The following RNF175 variants were observed in gnomAD, a reference collection of about 807,000 sequenced individuals.
RNF175 encodes ring finger protein 175.
A neutral mutation model predicts 50.0 loss-of-function variants in RNF175; 38 were observed. That is an observed-to-expected ratio of 0.76 (90% CI 0.59 to 1.00). RNF175 has a LOEUF of 1.00. Among genes scored for constraint, RNF175 ranks in the 50% least tolerant of loss-of-function variants. RNF175 has a pLI of 0.00. For synonymous variants in RNF175, 155 were observed against 146.1 expected (o/e 1.06, Z -0.44); for missense variants, 388 against 409.6 (o/e 0.95, Z 0.46).
chr4:153,733,405 C>T (rs890350124), intron 3 of RNF175, among the ~76,000 whole-genome samples: 7 of 152,294 alleles, frequency 4.6e-5, no homozygotes, highest in Non-Finnish European at 1.5e-5. Flanking sequence ...TCTGTAAACT[C>T]GCATTCCAAC....
At chr4:153,723,280 A>G (rs1738463364) in intron 5 of RNF175, 71 bp downstream of exon 5, 8 of 754,584 alleles carry the variant, frequency 1.1e-5, no homozygotes, top group Non-Finnish European at 1.9e-5. Flanking sequence ...TTCTGGATTA[A>G]GAGAACATGA....
intron 2 of RNF175, among the ~76,000 whole-genome samples, chr4:153,750,370 G>C (rs992318107): frequency 3.3e-5 from 5 of 152,166 alleles, no homozygotes; most frequent in African/African-American, 1.2e-4. Context: ...AGCAGTGAAT[G>C]CCTCAGAAAA....
At chr4:153,733,289 G>A (rs1406937725) in intron 3 of RNF175, among the ~76,000 whole-genome samples, 1 of 152,078 alleles carries the variant, frequency 6.6e-6, no homozygotes. Context: ...TACCTTCAGG[G>A]TAAAAATAAT....
chr4:153,716,769 T>C (rs1028805279), intron 6 of RNF175, among the ~76,000 whole-genome samples: 1 of 152,334 alleles, frequency 6.6e-6, no homozygotes, highest in South Asian at 2.1e-4. Flanking sequence ...GCAAGATTGA[T>C]GTTGCAGTCT....
At chr4:153,737,035 T>A (rs1739389557) in intron 3 of RNF175, among the ~76,000 whole-genome samples, 1 of 151,332 alleles carries the variant, frequency 6.6e-6, no homozygotes, top group African/African-American at 2.4e-5. Context: ...ATTTTCAAAT[T>A]TTTTGTAGAG....
intron 6 of RNF175, among the ~76,000 whole-genome samples, chr4:153,715,999 G>A (rs964476106): frequency 2.7e-5 from 4 of 149,662 alleles, no homozygotes; most frequent in Non-Finnish European, 5.9e-5. Flanking sequence ...GGGAGGTGGA[G>A]GTTGCAGTGA....
At chr4:153,718,050 T>G (rs1344975034) in intron 6 of RNF175, among the ~76,000 whole-genome samples, 1 of 152,120 alleles carries the variant, frequency 6.6e-6, no homozygotes, top group Non-Finnish European at 1.5e-5. Flanking sequence ...ACCATGGATC[T>G]GTTTAGCAAC....
intron 3 of RNF175, among the ~76,000 whole-genome samples, chr4:153,745,983 C>A (rs1013385030): frequency 2.6e-5 from 4 of 152,224 alleles, no homozygotes; most frequent in African/African-American, 4.8e-5. Context: ...ATGTTTTTCT[C>A]ACACATAAAA....
chr4:153,745,962 G>C (rs935301331), intron 3 of RNF175, among the ~76,000 whole-genome samples: 1 of 152,130 alleles, frequency 6.6e-6, no homozygotes, highest in South Asian at 2.1e-4. Flanking sequence ...TTCTGCTCTG[G>C]CTCCAAATTC....
intron 1 of RNF175, among the ~76,000 whole-genome samples, chr4:153,759,421 C>G (rs1001651317): frequency 6.6e-6 from 1 of 152,204 alleles, no homozygotes; most frequent in Non-Finnish European, 1.5e-5. Context: ...TGACCCTGGG[C>G]TCTGGGGGCT....
chr4:153,712,158 A>G (rs1396193616), intron 8 of RNF175, among the ~76,000 whole-genome samples: 3 of 152,170 alleles, frequency 2.0e-5, no homozygotes, highest in African/African-American at 7.2e-5. Context: ...TTATTCATCC[A>G]TCCATCCATC....
At chr4:153,753,155 G>A (rs956646758) in intron 1 of RNF175, among the ~76,000 whole-genome samples, 2 of 152,164 alleles carry the variant, frequency 1.3e-5, no homozygotes, top group Non-Finnish European at 2.9e-5. Flanking sequence ...AAAAGACACC[G>A]AAGCCCACCA....
At chr4:153,753,664 T>A (rs541644583) in intron 1 of RNF175, among the ~76,000 whole-genome samples, 1 of 151,880 alleles carries the variant, frequency 6.6e-6, no homozygotes, top group South Asian at 2.1e-4. Flanking sequence ...TTCAAGCGAT[T>A]CTCCTGCCTT....
intron 5 of RNF175, among the ~76,000 whole-genome samples, chr4:153,721,185 C>T (rs1034495264): frequency 6.6e-6 from 1 of 151,686 alleles, no homozygotes; most frequent in African/African-American, 2.4e-5. Flanking sequence ...GGAAAGATCT[C>T]TTTTAAAAGT....
intron 3 of RNF175, among the ~76,000 whole-genome samples, chr4:153,730,404 G>C (rs908132288): frequency 6.6e-6 from 1 of 151,874 alleles, no homozygotes; most frequent in Non-Finnish European, 1.5e-5. Flanking sequence ...ACACTGCACC[G>C]GGTGACAGAG....
chr4:153,730,786 T>C (rs1162754205), intron 3 of RNF175, among the ~76,000 whole-genome samples: 1 of 152,238 alleles, frequency 6.6e-6, no homozygotes, highest in Non-Finnish European at 1.5e-5. Context: ...ATAAGACTAA[T>C]CAATTTCTTC....
intron 1 of RNF175, among the ~76,000 whole-genome samples, chr4:153,757,203 C>T (rs1740608842): frequency 6.6e-6 from 1 of 152,158 alleles, no homozygotes; most frequent in Non-Finnish European, 1.5e-5. Flanking sequence ...AGGCCCCTAC[C>T]AGGATATATA....
intron 8 of RNF175, among the ~76,000 whole-genome samples, chr4:153,711,958 G>A (rs1737614040): frequency 6.6e-6 from 1 of 152,142 alleles, no homozygotes; most frequent in Non-Finnish European, 1.5e-5. Flanking sequence ...ATGATGCATG[G>A]CATGGAATTT....
In RNF175 at chr4:153,728,274, A is replaced by G. The variant is rs1349236409; in HGVS notation, c.334T>C (p.Phe112Leu). 2 of 1,613,622 alleles carry G rather than the reference A, an allele frequency of 1.2e-6. No individual in the cohort carries two copies. Among genetic ancestry groups the G allele is most frequent in the Non-Finnish European group, 1.7e-6 (2 of 1,179,644 alleles). ...WWRFLSMWGM[F>L]SVITSYILFR... ...AGGATGTAACTGGTAATAACGGAGA[A>G]CATCCCCCACATAGACAGAAACCGC... The change falls in exon 4 of 9, where the codon TTC (phenylalanine) becomes CTC (leucine). Residue 112 changes from phenylalanine to leucine, a missense_variant. Transcript: ENST00000347063.
Sources: allele counts gnomAD v4.1 joint callset (sites outside exome capture counted in the v4.1 genomes callset), GRCh38; gene constraint gnomAD v4.1.1; transcripts MANE v1.5; gene names NCBI Gene and HGNC (gene_info 2026-07-23, HGNC 2026-07-21).